CREBBP: variants seen among roughly 807,000 people sequenced by gnomAD.
CREBBP encodes CREB binding lysine acetyltransferase, also known as CREB-binding protein.
CREBBP carries 19 observed loss-of-function variants against 265.0 expected under a neutral mutation model. The observed-to-expected ratio is 0.07, with a 90% confidence interval of 0.05 to 0.11. The LOEUF is 0.11. Among genes scored for constraint, CREBBP ranks in the 10% least tolerant of loss-of-function variants. The pLI is 1.00. For synonymous variants in CREBBP, 1,457 were observed against 1,223.7 expected, an observed-to-expected ratio of 1.19 and a Z score of -3.98; for missense variants, 2,525 against 3,219.0, an observed-to-expected ratio of 0.78 and a Z score of 5.22.
At chr16:3,872,050 G>A (rs535747103) in intron 1 of CREBBP, among the ~76,000 whole-genome samples, 9 of 152,222 alleles carry the variant, frequency 5.9e-5, no homozygotes, top group African/African-American at 9.6e-5. Flanking sequence ...ATGAAACACC[G>A]GGGAAAATGT....
intron 3 of CREBBP, among the ~76,000 whole-genome samples, chr16:3,802,924 G>C (rs899232890): frequency 6.6e-6 from 1 of 151,972 alleles, no homozygotes; most frequent in Non-Finnish European, 1.5e-5. Flanking sequence ...CAGAACAAGG[G>C]CTGGCTCTGC....
intron 1 of CREBBP, among the ~76,000 whole-genome samples, chr16:3,862,785 T>G (rs547259291): frequency 6.6e-6 from 1 of 152,152 alleles, no homozygotes; most frequent in African/African-American, 2.4e-5. Context: ...GCAGCCAGCT[T>G]TGCCTGCCTG....
chr16:3,780,992 C>G (rs771121614), intron 7 of CREBBP, 114 bp from the exon 8 acceptor site: 6 of 1,222,818 alleles, frequency 4.9e-6, no homozygotes, highest in Non-Finnish European at 7.1e-6. Context: ...GTCAGGAGAG[C>G]CAAGTGATGT....
At chr16:3,846,001 TA>T (rs1243128605) in intron 2 of CREBBP, among the ~76,000 whole-genome samples, 5 of 149,784 alleles carry the variant, frequency 3.3e-5, no homozygotes, top group Non-Finnish European at 5.9e-5. Context: ...CTAAAAGCCA[TA>T]AAGGAAATAA....
chr16:3,749,268 T>C (rs1310299839), intron 21 of CREBBP, among the ~76,000 whole-genome samples: 1 of 152,234 alleles, frequency 6.6e-6, no homozygotes, highest in African/African-American at 2.4e-5. Flanking sequence ...TATTTCCCTT[T>C]AAACGATACT....
chr16:3,739,268 G>A lies in CREBBP; in HGVS notation c.4280+310C>T, dbSNP rs115716766. The stretch of plus-strand genomic sequence containing the variant: ...ATTCCTGACTGCACATGAAGCCCTC[G>A]TGGCAGAGCTACTTCCTCTGTTCAG... On this transcript the variant is annotated intron_variant, in intron 25 of 30. Transcript: ENST00000262367. Among the ~76,000 whole-genome samples the A allele has an allele frequency of 6.5e-3, 982 of 152,242 alleles. 13 individuals carry two copies. The highest frequency in any genetic ancestry group is 0.022 in the African/African-American group (926 of 41,524).
intron 26 of CREBBP, among the ~76,000 whole-genome samples, chr16:3,737,701 T>G (rs1032479374): frequency 2.0e-5 from 3 of 151,372 alleles, no homozygotes; most frequent in Non-Finnish European, 4.4e-5. Flanking sequence ...TGATCTCAGG[T>G]GATCCACCTG....
chr16:3,856,803 T>C (rs922452640), intron 1 of CREBBP, among the ~76,000 whole-genome samples: 1 of 152,208 alleles, frequency 6.6e-6, no homozygotes, highest in African/African-American at 2.4e-5. Flanking sequence ...AAATATTTTA[T>C]ATTTAAGTTT....
At position 3,767,736 on chromosome 16, in the gene CREBBP, C is replaced by A. The variant is rs1482660588; in HGVS notation, c.3234G>T (p.Ser1078=). The A allele has an allele frequency of 4.3e-6, 7 of 1,614,116 alleles. No individual in the cohort carries two copies. The highest frequency in any genetic ancestry group is 1.3e-5 in the African/African-American group (1 of 74,942). The change falls in exon 16 of 31, where the codon TCG becomes TCT. Residue 1078 remains serine (S), a synonymous_variant. Coordinates refer to ENST00000262367, the MANE Select transcript of CREBBP (RefSeq NM_004380.3). ...ATGGCCTACTTTTTTTGCGCGGCTG[C>A]GAAGGAGATGTTGACTGAGAGGCTG... ...NGTASQSTSP[S]QPRKKIFKPE... is the part of the protein sequence containing the mutation.
intron 1 of CREBBP, among the ~76,000 whole-genome samples, chr16:3,869,241 G>A (rs752513203): frequency 2.0e-5 from 3 of 152,168 alleles, no homozygotes; most frequent in Non-Finnish European, 4.4e-5. Context: ...GGTCACACCT[G>A]ACTGCAGTTA....
At chr16:3,861,006 C>T (rs2055061480) in intron 1 of CREBBP, among the ~76,000 whole-genome samples, 1 of 152,142 alleles carries the variant, frequency 6.6e-6, no homozygotes, top group South Asian at 2.1e-4. Flanking sequence ...GGTGCAGTGG[C>T]TCATGCCTGT....
At chr16:3,829,864 A>G (rs941199060) in intron 2 of CREBBP, among the ~76,000 whole-genome samples, 14 of 152,344 alleles carry the variant, frequency 9.2e-5, no homozygotes, top group African/African-American at 3.4e-4. Flanking sequence ...AATGAAACAG[A>G]TACAGAGATG....
At position 3,728,647 on chromosome 16, in the gene CREBBP, G is replaced by A. The variant is rs2151304231; in HGVS notation, c.6400C>T (p.His2134Tyr). 1.2e-6 allele frequency: 2 copies of A among 1,613,678 alleles called. No individual in the cohort carries two copies. Among genetic ancestry groups the A allele is most frequent in the East Asian group, 4.5e-5 (2 of 44,868 alleles). ...AGGTTCTGCAGGCTGGGCTGCTGGTGCATGCCAGGCTGGGGTTGCATGCCG... is the reference window on the plus strand; with the variant it reads ...AGGTTCTGCAGGCTGGGCTGCTGGTACATGCCAGGCTGGGGTTGCATGCCG... ...QPGMQPQPGM[H>Y]QQPSLQNLNA... The change falls in exon 31 of 31, where the codon CAC becomes TAC. Residue 2134 changes from histidine to tyrosine, a missense_variant. Physicochemically the swap from His to Tyr is moderately conservative, Grantham distance 83. Transcript: ENST00000262367. This position sits in a 1 kb window ranked among gnomAD's most constrained non-coding sequence, Gnocchi z 8.7.
At chr16:3,856,292 T>A (rs1047289068) in intron 1 of CREBBP, among the ~76,000 whole-genome samples, 2 of 152,152 alleles carry the variant, frequency 1.3e-5, no homozygotes, top group African/African-American at 2.4e-5. Flanking sequence ...AACAGCTCAT[T>A]TTTTATTTTA....
intron 30 of CREBBP, chr16:3,730,441 G>A (rs768591244): frequency 5.6e-5 from 9 of 159,722 alleles, no homozygotes; most frequent in Admixed American, 1.8e-4. Context: ...CTTCCCCAAC[G>A]CGCAAGCCCA....
intron 2 of CREBBP, among the ~76,000 whole-genome samples, chr16:3,821,222 A>G (rs2054135883): frequency 6.6e-6 from 1 of 152,126 alleles, no homozygotes; most frequent in South Asian, 2.1e-4. Flanking sequence ...TTTATTTCAA[A>G]CCATCAGTGC....
At position 3,788,586 on chromosome 16, in the gene CREBBP, T is replaced by C. The variant is rs1165537828; in HGVS notation, c.1330+3395A>G. On this transcript the variant is annotated intron_variant, in intron 5 of 30. Transcript: ENST00000262367. ...GCAAGTCCTAATTATTCAAAAAAAA[T>C]TGAATATTGCTATAAGGGATGGTTA... Among the ~76,000 whole-genome samples, 6 of 152,154 alleles carry C rather than the reference T, an allele frequency of 3.9e-5. No individual in the cohort carries two copies. The South Asian group carries it at 8.3e-4, about 21-fold the overall frequency.
Position 3,849,432 on chromosome 16 carries a change from T to TGTGTGTGTGTGTGTGTGTGTG in CREBBP, c.798+844_798+864dup, listed in dbSNP as rs2054754644. Among the ~76,000 whole-genome samples, 3 of 9,078 alleles carry TGTGTGTGTGTGTGTGTGTGTG rather than the reference T, an allele frequency of 3.3e-4. 1 individual carries two copies. The highest frequency in any genetic ancestry group is 2.2e-3 in the Non-Finnish European group (2 of 924). 6.0% of individuals were successfully genotyped at this position (9,078 alleles called of 152,430 possible). ...GTGTGTGTGTGTGTGTGTGTGTGTG[T>TGTGTGTGTGTGTGTGTGTGTG]GTGTGTGTGTGTGTGTGTGTGTGTG... is the stretch of plus-strand genomic sequence containing the variant. On this transcript the variant is annotated intron_variant, in intron 2 of 30. Coordinates refer to ENST00000262367, the MANE Select transcript of CREBBP (RefSeq NM_004380.3).
At chr16:3,780,000 G>C (rs903799773) in intron 8 of CREBBP, among the ~76,000 whole-genome samples, 1 of 152,034 alleles carries the variant, frequency 6.6e-6, no homozygotes, top group African/African-American at 2.4e-5. Context: ...CCAGCACTTC[G>C]GGAGGCTGAG....
Sources: gnomAD v4.1 joint callset for allele counts (sites outside exome capture counted in the v4.1 genomes callset) on GRCh38, gnomAD v4.1.1 for gene constraint, Gnocchi (gnomAD v3.1) non-coding constraint, MANE v1.5 for transcripts, NCBI Gene and HGNC (gene_info 2026-07-23, HGNC 2026-07-21) for gene names.